The following VPS13C variants were observed in gnomAD, a reference collection of about 807,000 sequenced individuals.
VPS13C encodes intermembrane lipid transfer protein VPS13C.
Under a neutral mutation model 456.8 loss-of-function variants are expected in VPS13C, and 358 were observed. That is an observed-to-expected ratio of 0.78 (90% CI 0.72 to 0.86). The LOEUF is 0.86. VPS13C is among the 40% of genes least tolerant of loss of function. VPS13C has a pLI of 0.00. For missense variants in VPS13C, 4,818 were observed against 4,385.4 expected (o/e 1.10, Z -2.79); for synonymous variants, 1,578 against 1,486.7 (o/e 1.06, Z -1.41).
At chr15:61,929,807 G>A in intron 50 of VPS13C, 59 bp from the exon 51 acceptor site, 1 of 1,468,972 alleles carries the variant, frequency 6.8e-7, no homozygotes, top group Non-Finnish European at 9.2e-7. Context: ...AAAAGATGAA[G>A]AATTTCCTAT....
In VPS13C at chr15:61,931,070, C is replaced by CA; in HGVS notation, c.6038+19dup. 6.2e-7 allele frequency: 1 copy of CA among 1,613,426 alleles called. No individual in the cohort carries two copies. The highest frequency in any genetic ancestry group is 1.7e-5 in the Admixed American group (1 of 60,014). Reference sequence around the variant, plus strand: ...AATGTCAACCTTAAATAATGTATTGCAAACTCAGAGCTGACAAACCTCGAT... The same window carrying CA: ...AATGTCAACCTTAAATAATGTATTGCAAAACTCAGAGCTGACAAACCTCGAT... On this transcript the variant is annotated intron_variant, in intron 50 of 84. Coordinates refer to ENST00000644861, the MANE Select transcript of VPS13C (RefSeq NM_020821.3).
At chr15:62,003,278 T>G (rs1006583958) in intron 15 of VPS13C, among the ~76,000 whole-genome samples, 3 of 151,032 alleles carry the variant, frequency 2.0e-5, no homozygotes, top group Admixed American at 1.3e-4. Flanking sequence ...TCTCTTTGAA[T>G]CAATTGTGAA....
chr15:61,865,167 G>A (rs4775446), intron 81 of VPS13C: 33,672 of 984,546 alleles, frequency 0.034, 1,145 homozygotes, highest in East Asian at 0.21. Context: ...AATGCAACTC[G>A]AGGAATTTAA....
In VPS13C at chr15:61,896,845, T is replaced by C. The variant is rs1460002490; in HGVS notation, c.9106-6445A>G. ...CAGCAGTAACCTCTGCAGACTTAAATGTCCCTGTCTGACAGCTTTGAAGAG... is the reference window on the plus strand; with the variant it reads ...CAGCAGTAACCTCTGCAGACTTAAACGTCCCTGTCTGACAGCTTTGAAGAG... On this transcript the variant is annotated intron_variant, in intron 66 of 84. Coordinates refer to ENST00000644861, the MANE Select transcript of VPS13C (RefSeq NM_020821.3). Among the ~76,000 whole-genome samples the C allele has an allele frequency of 2.0e-5, 3 of 152,272 alleles. No homozygotes were observed. The East Asian group carries it at 5.8e-4, about 29-fold the overall frequency.
chr15:61,903,688 T>C (rs2043070884), intron 66 of VPS13C, among the ~76,000 whole-genome samples: 1 of 152,028 alleles, frequency 6.6e-6, no homozygotes, highest in African/African-American at 2.4e-5. Context: ...GCCAAAGTAA[T>C]CCTGAGCAAA....
At chr15:61,916,135 T>G in intron 60 of VPS13C, 113 bp from the exon 61 acceptor site, 1 of 1,178,626 alleles carries the variant, frequency 8.5e-7, no homozygotes, top group Non-Finnish European at 1.2e-6. Context: ...CTGCTAAGTC[T>G]TCTGTGAAGT....
chr15:61,903,089 G>A (rs1236106495), intron 66 of VPS13C, among the ~76,000 whole-genome samples: 1 of 152,036 alleles, frequency 6.6e-6, no homozygotes. Context: ...ACTTTCAGAG[G>A]CCAAGGCAGG....
At chr15:62,001,000 T>C (rs1194438794) in intron 15 of VPS13C, among the ~76,000 whole-genome samples, 1 of 152,196 alleles carries the variant, frequency 6.6e-6, no homozygotes, top group Non-Finnish European at 1.5e-5. Context: ...ACATAGCCAT[T>C]GTACTAACGG....
At position 61,877,489 on chromosome 15, in the gene VPS13C, G is replaced by A. The variant is rs1019804589; in HGVS notation, c.10143-435C>T. On this transcript the variant is annotated intron_variant, in intron 74 of 84. Coordinates refer to ENST00000644861, the MANE Select transcript of VPS13C (RefSeq NM_020821.3). ...TAGCATGCTACCATGTGGCAGTGTC[G>A]TAACAAACAATTCTTCCACTGTCAG... Among the ~76,000 whole-genome samples the A allele has an allele frequency of 1.2e-4, 12 of 103,346 alleles. No individual in the cohort carries two copies. The South Asian group carries it at 1.5e-3, about 13-fold the overall frequency. 67.8% of individuals were successfully genotyped at this position (103,346 alleles called of 152,430 possible). A position where few individuals can be genotyped will look rare whatever the true frequency, so the allele number is the denominator to read the frequency against.
At position 61,854,881 on chromosome 15, in the gene VPS13C, G is replaced by T. The variant is rs150119821; in HGVS notation, c.11150C>A (p.Ala3717Asp). The T allele has an allele frequency of 7.1e-5, 114 of 1,612,874 alleles. No individual in the cohort carries two copies. In the African/African-American group the frequency reaches 1.4e-3, roughly 20 times the overall value. The change falls in exon 84 of 85, where the codon GCC becomes GAC. Residue 3717 changes from alanine to aspartate, a missense_variant. Ala to Asp is a moderately radical substitution (Grantham distance 126). Around this residue, in one of 3 missense-constraint regions of VPS13C, gnomAD observed 261 missense variants for 234.1 expected, o/e 1.11. Coordinates refer to ENST00000644861, the MANE Select transcript of VPS13C (RefSeq NM_020821.3). The part of the protein sequence containing the change: ...CVRKVYLKDT[A>D]TAERACNAIE... Reference sequence around the variant, plus strand: ...CTTTAAATTGTTTACCTCTGCTGTGGCGGTGTCCTTCAGGTAAACTTTTCG... The same window carrying T: ...CTTTAAATTGTTTACCTCTGCTGTGTCGGTGTCCTTCAGGTAAACTTTTCG...
chr15:61,910,600 T>C lies in VPS13C; in HGVS notation c.8716-295A>G, dbSNP rs190956898. On this transcript the variant is annotated intron_variant, in intron 63 of 84. Coordinates refer to ENST00000644861, the MANE Select transcript of VPS13C (RefSeq NM_020821.3). ...AGAATTATAAAATTCATTTTAATTA[T>C]TGAAAAATTATATTTAAAAATTATC... Among the ~76,000 whole-genome samples, 343 of 152,246 alleles carry C rather than the reference T, an allele frequency of 2.3e-3. No homozygotes were observed. Among genetic ancestry groups the C allele is most frequent in the Non-Finnish European group, 3.6e-3 (248 of 67,996 alleles).
intron 5 of VPS13C, 133 bp from the exon 6 acceptor site, chr15:62,028,553 A>T: frequency 2.5e-6 from 2 of 795,498 alleles, no homozygotes; most frequent in Non-Finnish European, 3.9e-6. Flanking sequence ...AAATTTGGTG[A>T]CACCAAAACT....
chr15:62,058,510 CAACAG>C (rs1343464552), intron 1 of VPS13C, among the ~76,000 whole-genome samples: 4 of 152,040 alleles, frequency 2.6e-5, no homozygotes, highest in Non-Finnish European at 4.4e-5. Flanking sequence ...AATTAAAAAA[CAACAG>C]AACAACTATT....
intron 45 of VPS13C, among the ~76,000 whole-genome samples, chr15:61,945,326 C>A (rs1449998649): frequency 6.6e-6 from 1 of 152,172 alleles, no homozygotes; most frequent in African/African-American, 2.4e-5. Context: ...CTGTTGATCA[C>A]AATCATAACC....
chr15:62,014,383 A>G (rs2047154211), intron 9 of VPS13C, among the ~76,000 whole-genome samples: 2 of 152,124 alleles, frequency 1.3e-5, no homozygotes, highest in African/African-American at 4.8e-5. Flanking sequence ...CAGCATGACC[A>G]AGTTTCTACA....
intron 50 of VPS13C, 68 bp from the exon 51 acceptor site, chr15:61,929,816 A>G: frequency 1.4e-6 from 2 of 1,388,532 alleles, no homozygotes; most frequent in Non-Finnish European, 1.9e-6. Flanking sequence ...AGAATTTCCT[A>G]TATACCTCAA....
intron 83 of VPS13C, among the ~76,000 whole-genome samples, chr15:61,855,748 A>G (rs1893867997): frequency 6.6e-6 from 1 of 152,082 alleles, no homozygotes; most frequent in Admixed American, 6.5e-5. Context: ...AAGGCATGAA[A>G]ATAAATTTAT....
At chr15:62,045,837 A>T (rs1161510251) in intron 1 of VPS13C, among the ~76,000 whole-genome samples, 2 of 151,996 alleles carry the variant, frequency 1.3e-5, no homozygotes, top group African/African-American at 2.4e-5. Flanking sequence ...CTCACAATAC[A>T]TCTGTATTAT....
Position 61,959,508 on chromosome 15 carries a change from A to C in VPS13C, c.3996T>G (p.Ala1332=). 1 of 1,613,196 alleles carries C rather than the reference A, an allele frequency of 6.2e-7. No homozygotes were observed. Among genetic ancestry groups the C allele is most frequent in the Non-Finnish European group, 8.5e-7 (1 of 1,179,402 alleles). ...NLEFLVNRNL[A]ASWYHKVPVV... ...CAGGCACCTTGTGGTACCAAGATGC[A>C]GCTAGATTCCGATTTACAAGAAATT... Residue 1332 remains alanine (A), a synonymous_variant, in exon 36 of 85, where the codon GCT becomes GCG. Transcript: ENST00000644861.
Sources: gnomAD v4.1 joint callset for allele counts (sites outside exome capture counted in the v4.1 genomes callset) on GRCh38, gnomAD v4.1.1 for gene constraint, gnomAD v4.1.1 regional missense constraint, MANE v1.5 for transcripts, NCBI Gene and HGNC (gene_info 2026-07-23, HGNC 2026-07-21) for gene names.